Variants in BCL7B observed in about 807,000 individuals in gnomAD.
BCL7B encodes the protein BAF chromatin remodeling complex subunit BCL7B.
Under a neutral mutation model 26.5 loss-of-function variants are expected in BCL7B, and 11 were observed. The observed-to-expected ratio is 0.42, with a 90% CI of 0.26 to 0.69. BCL7B has a LOEUF of 0.69. BCL7B is among the 30% of genes least tolerant of loss of function. The pLI, the probability that BCL7B is intolerant of heterozygous loss-of-function variation, is 0.28. For synonymous variants in BCL7B, 111 were observed against 107.9 expected, an observed-to-expected ratio of 1.03 and a Z score of -0.18; for missense variants, 215 against 264.4, an observed-to-expected ratio of 0.81 and a Z score of 1.30.
intron 1 of BCL7B, among the ~76,000 whole-genome samples, chr7:73,555,046 T>C (rs975832801): frequency 6.6e-6 from 1 of 152,124 alleles, no homozygotes; most frequent in African/African-American, 2.4e-5. Context: ...AATAGCTCAA[T>C]TCAAGATTAG....
chr7:73,542,605 T>C (rs1359511222), intron 3 of BCL7B, among the ~76,000 whole-genome samples: 2 of 152,098 alleles, frequency 1.3e-5, no homozygotes, highest in African/African-American at 2.4e-5. Flanking sequence ...GGCTGATACA[T>C]GGGTAAAAAT....
At chr7:73,543,432 A>G (rs1450596348) in intron 3 of BCL7B, 116 bp downstream of exon 3, 6 of 917,744 alleles carry the variant, frequency 6.5e-6, no homozygotes, top group Non-Finnish European at 1.0e-5. Flanking sequence ...CCCGCCTCAG[A>G]CTCCCAAAGT....
At chr7:73,545,179 T>C (rs1195386935) in intron 2 of BCL7B, among the ~76,000 whole-genome samples, 1 of 152,084 alleles carries the variant, frequency 6.6e-6, no homozygotes, top group Non-Finnish European at 1.5e-5. Context: ...GGTAGATGCA[T>C]TATATTAGTA....
At chr7:73,551,876 A>G (rs1262914283) in intron 2 of BCL7B, among the ~76,000 whole-genome samples, 1 of 151,724 alleles carries the variant, frequency 6.6e-6, no homozygotes, top group Non-Finnish European at 1.5e-5. Flanking sequence ...CAGGTGGGTC[A>G]CGAGGTCAGG....
intron 2 of BCL7B, among the ~76,000 whole-genome samples, chr7:73,544,703 G>A (rs904407455): frequency 1.3e-5 from 2 of 152,102 alleles, no homozygotes; most frequent in South Asian, 4.1e-4. Context: ...TTTGTTTCAA[G>A]AAAGATGTAG....
intron 2 of BCL7B, among the ~76,000 whole-genome samples, chr7:73,550,879 G>A (rs954711998): frequency 6.6e-6 from 1 of 151,772 alleles, no homozygotes; most frequent in Non-Finnish European, 1.5e-5. Flanking sequence ...GGATGGTCTC[G>A]ATCTCCTGAC....
chr7:73,538,512 A>G (rs1791625706), intron 4 of BCL7B, among the ~76,000 whole-genome samples: 1 of 152,252 alleles, frequency 6.6e-6, no homozygotes, highest in Middle Eastern at 3.4e-3. Context: ...CTATATATCC[A>G]TATTATAACA....
In BCL7B at chr7:73,538,278, C is replaced by T. The variant is rs782486013; in HGVS notation, c.437-265G>A. 4 of 329,218 alleles carry T rather than the reference C, an allele frequency of 1.2e-5. No individual in the cohort carries two copies. The Admixed American group carries it at 1.5e-4, about 12-fold the overall frequency. The allele number at this position is 329,218 out of a possible 1,614,324, so 20.4% of individuals were successfully genotyped here. ...GCAGCTCATCTTGTCATCCTCTAGC[C>T]CAAACATCACAACTCTAACTCAATC... On this transcript the variant is annotated intron_variant, in intron 4 of 5. Transcript: ENST00000223368.
chr7:73,549,372 G>A (rs537870523), intron 2 of BCL7B, among the ~76,000 whole-genome samples: 2 of 152,278 alleles, frequency 1.3e-5, no homozygotes, highest in East Asian at 3.9e-4. Flanking sequence ...TTATCATGCT[G>A]TTTCCATAAC....
intron 3 of BCL7B, 91 bp from the exon 4 acceptor site, chr7:73,540,143 T>C: frequency 7.2e-7 from 1 of 1,395,138 alleles, no homozygotes. Flanking sequence ...GGCATCACTT[T>C]AGGCAGCCAA....
chr7:73,557,418 C>A (rs545627817), intron 1 of BCL7B, 69 bp downstream of exon 1: 2 of 1,225,870 alleles, frequency 1.6e-6, no homozygotes, highest in African/African-American at 3.2e-5. Context: ...CCACCTGACC[C>A]GCCAGTCCCA....
intron 2 of BCL7B, among the ~76,000 whole-genome samples, chr7:73,549,668 GA>G (rs1792084290): frequency 6.6e-6 from 1 of 152,074 alleles, no homozygotes. Context: ...ACAAAAAAAA[GA>G]AAGAAAAAAA....
intron 1 of BCL7B, chr7:73,557,197 C>A: frequency 3.8e-6 from 4 of 1,040,934 alleles, no homozygotes; most frequent in Non-Finnish European, 4.6e-6. Flanking sequence ...GGCGCGGGCA[C>A]CGACGCCAGG....
At chr7:73,551,765 T>C (rs1410993912) in intron 2 of BCL7B, among the ~76,000 whole-genome samples, 1 of 152,138 alleles carries the variant, frequency 6.6e-6, no homozygotes, top group African/African-American at 2.4e-5. Context: ...CTTGAAGTAT[T>C]TTCCACTCAA....
At chr7:73,551,232 A>G (rs117382642) in intron 2 of BCL7B, among the ~76,000 whole-genome samples, 47 of 152,354 alleles carry the variant, frequency 3.1e-4, no homozygotes, top group East Asian at 5.8e-4. Flanking sequence ...TCAATCTGCC[A>G]CTGTAATTCA....
chr7:73,537,229 AC>A lies in BCL7B; in HGVS notation c.*68del. On this transcript the variant is annotated 3_prime_UTR_variant, in exon 6 of 6. Coordinates refer to ENST00000223368, the MANE Select transcript of BCL7B (RefSeq NM_001707.4). ...CCCAGTGCTTGCCCTTACCCCAGCAACGCGGCGCGGCCAGAACCAGAATGCA... is the reference window on the plus strand; with the variant it reads ...CCCAGTGCTTGCCCTTACCCCAGCAAGCGGCGCGGCCAGAACCAGAATGCA... The A allele has an allele frequency of 6.6e-7, 1 of 1,511,032 alleles. No homozygotes were observed. Among genetic ancestry groups the A allele is most frequent in the Middle Eastern group, 2.1e-4 (1 of 4,834 alleles). The allele number at this position is 1,511,032 out of a possible 1,614,324, so 93.6% of individuals were successfully genotyped here.
intron 1 of BCL7B, among the ~76,000 whole-genome samples, chr7:73,555,326 C>T (rs781987312): frequency 9.4e-5 from 14 of 148,568 alleles, no homozygotes; most frequent in Non-Finnish European, 1.9e-4. Flanking sequence ...TGCTTGAACC[C>T]GGGAAGCAGA....
At chr7:73,547,616 T>C (rs2115787205) in intron 2 of BCL7B, among the ~76,000 whole-genome samples, 1 of 152,334 alleles carries the variant, frequency 6.6e-6, no homozygotes, top group South Asian at 2.1e-4. Flanking sequence ...CGACACTGGA[T>C]GTACAATTCA....
intron 2 of BCL7B, among the ~76,000 whole-genome samples, chr7:73,546,891 G>A (rs781830446): frequency 5.9e-5 from 9 of 152,282 alleles, no homozygotes; most frequent in East Asian, 1.9e-4. Context: ...TTGGCCAGGC[G>A]TGGTGGCTCA....
Sources: gnomAD v4.1 joint callset for allele counts (sites outside exome capture counted in the v4.1 genomes callset) on GRCh38, gnomAD v4.1.1 for gene constraint, MANE v1.5 for transcripts, NCBI Gene and HGNC (gene_info 2026-07-23, HGNC 2026-07-21) for gene names.